The following SEPTIN10 variants were observed in gnomAD, a reference collection of about 807,000 sequenced individuals.
The protein encoded by SEPTIN10 is septin 10.
Under a neutral mutation model 54.8 loss-of-function variants are expected in SEPTIN10, and 66 were observed. The observed-to-expected ratio is 1.21, with a 90% confidence interval of 0.99 to 1.48. SEPTIN10 has a LOEUF of 1.48. Among genes scored for constraint, SEPTIN10 ranks in the 40% most tolerant of loss-of-function variants. The probability of loss-of-function intolerance (pLI) is 0.00; values close to 1 mark genes in which losing one functional copy is unlikely to be tolerated. For missense variants in SEPTIN10, 620 were observed against 545.6 expected (o/e 1.14, Z -1.36); for synonymous variants, 161 against 181.0 (o/e 0.89, Z 0.89).
chr2:109,595,992 C>T (rs967871407), intron 1 of SEPTIN10, among the ~76,000 whole-genome samples: 2 of 152,122 alleles, frequency 1.3e-5, no homozygotes, highest in African/African-American at 4.8e-5. Flanking sequence ...TTCACTGAGG[C>T]TATATTATTT....
chr2:109,586,741 C>G (rs1473289912), intron 2 of SEPTIN10, among the ~76,000 whole-genome samples: 1 of 151,898 alleles, frequency 6.6e-6, no homozygotes, highest in Non-Finnish European at 1.5e-5. Flanking sequence ...GTTAAAGAGT[C>G]TCCTGTAAAC....
intron 9 of SEPTIN10, among the ~76,000 whole-genome samples, chr2:109,551,333 A>G (rs1335769029): frequency 1.3e-5 from 2 of 152,268 alleles, no homozygotes; most frequent in Non-Finnish European, 2.9e-5. Flanking sequence ...GAATTAAATA[A>G]TGTTTTGAGT....
chr2:109,555,719 A>G (rs1684206876), intron 8 of SEPTIN10, among the ~76,000 whole-genome samples: 1 of 152,184 alleles, frequency 6.6e-6, no homozygotes, highest in South Asian at 2.1e-4. Context: ...CAGCTGACCA[A>G]TCGTTACCTC....
intron 5 of SEPTIN10, among the ~76,000 whole-genome samples, chr2:109,570,530 T>TG (rs1688108838): frequency 6.6e-6 from 1 of 151,462 alleles, no homozygotes; most frequent in Non-Finnish European, 1.5e-5. Context: ...GTATCAGGTT[T>TG]TTTTTTTTTT....
intron 4 of SEPTIN10, among the ~76,000 whole-genome samples, chr2:109,577,598 TAAAAAAAAAA>T (rs566368167): frequency 7.5e-6 from 1 of 133,272 alleles, no homozygotes. Flanking sequence ...CCTCAAAATT[TAAAAAAAAAA>T]AAAAGAAAAA....
chr2:109,546,007 A>G (rs1295595612), intron 10 of SEPTIN10, 43 bp downstream of exon 10: 1 of 1,524,772 alleles, frequency 6.6e-7, no homozygotes, highest in East Asian at 2.3e-5. Context: ...GCAATGTGAC[A>G]AGTGTGGGCA....
At position 109,585,310 on chromosome 2, in the gene SEPTIN10, T is replaced by C. The variant is rs370129746; in HGVS notation, c.229A>G (p.Ile77Val). 1 of 1,600,170 alleles carries C rather than the reference T, an allele frequency of 6.2e-7. No individual in the cohort carries two copies. The highest frequency in any genetic ancestry group is 8.5e-7 in the Non-Finnish European group (1 of 1,174,260). Residue 77 changes from isoleucine (I) to valine (V), a missense_variant, in exon 4 of 11, where the codon ATT becomes GTT. Coordinates refer to ENST00000397712, the MANE Select transcript of SEPTIN10 (RefSeq NM_144710.5). ...FNILCVGETG[I>V]GKSTLIDTLF... ...GTGTCAATCAGTGTTGATTTTCCAA[T>C]TCCAGTTTCCCCTGAAACACACAAA...
At chr2:109,550,311 CTTT>C (rs796411788) in intron 9 of SEPTIN10, among the ~76,000 whole-genome samples, 2 of 143,362 alleles carry the variant, frequency 1.4e-5, no homozygotes, top group Non-Finnish European at 3.1e-5. Flanking sequence ...AAAAAAGTAT[CTTT>C]TTTTTTTTTG....
At chr2:109,549,499 C>T (rs1348792867) in intron 9 of SEPTIN10, among the ~76,000 whole-genome samples, 1 of 152,200 alleles carries the variant, frequency 6.6e-6, no homozygotes, top group African/African-American at 2.4e-5. Context: ...ATTCCATACA[C>T]ATGAAGCATG....
At chr2:109,580,065 G>A (rs1187236353) in intron 4 of SEPTIN10, among the ~76,000 whole-genome samples, 1 of 151,980 alleles carries the variant, frequency 6.6e-6, no homozygotes, top group Non-Finnish European at 1.5e-5. Flanking sequence ...AGGTTGCAAT[G>A]AGCCTAGATC....
intron 10 of SEPTIN10, chr2:109,544,568 A>C: frequency 1.0e-6 from 1 of 981,502 alleles, no homozygotes; most frequent in Non-Finnish European, 1.2e-6. Flanking sequence ...CAGGGTGATA[A>C]TTTTTACAAG....
chr2:109,578,001 C>T (rs1690133361), intron 4 of SEPTIN10, among the ~76,000 whole-genome samples: 1 of 150,116 alleles, frequency 6.7e-6, no homozygotes, highest in African/African-American at 2.5e-5. Flanking sequence ...AATTTCATTT[C>T]ATTGTCTATT....
At position 109,565,689 on chromosome 2, in the gene SEPTIN10, C is replaced by T; in HGVS notation, c.859+74G>A. 3.9e-6 allele frequency: 5 copies of T among 1,269,872 alleles called. No individual in the cohort carries two copies. The South Asian group carries it at 6.0e-5, about 15-fold the overall frequency. 78.7% of individuals were successfully genotyped at this position (1,269,872 alleles called of 1,614,324 possible). A position where few individuals can be genotyped will look rare whatever the true frequency, so the allele number is the denominator to read the frequency against. On this transcript the variant is annotated intron_variant, in intron 7 of 10. Coordinates refer to ENST00000397712, the MANE Select transcript of SEPTIN10 (RefSeq NM_144710.5). ...ATCACATCCAAACTAAGCATCACCC[C>T]AAAGAAGGCATGACAGGTAGCTTTG...
intron 8 of SEPTIN10, among the ~76,000 whole-genome samples, chr2:109,556,518 G>C (rs1463613357): frequency 2.0e-5 from 3 of 152,112 alleles, no homozygotes; most frequent in African/African-American, 7.2e-5. Flanking sequence ...GTTCCAAGCA[G>C]GAACAGATCC....
At chr2:109,547,992 T>C (rs1287969924) in intron 9 of SEPTIN10, among the ~76,000 whole-genome samples, 3 of 152,156 alleles carry the variant, frequency 2.0e-5, no homozygotes, top group Non-Finnish European at 4.4e-5. Context: ...TTAGGAGCTA[T>C]GTCTTTTTCA....
intron 10 of SEPTIN10, chr2:109,545,288 A>T: frequency 7.0e-7 from 1 of 1,426,704 alleles, no homozygotes; most frequent in East Asian, 2.6e-5. Flanking sequence ...CTTAAGTGGG[A>T]GAAATAAAAC....
rs189073491 is a variant in SEPTIN10 at position 109,579,779 on chromosome 2, C to T, written c.414-5012G>A. Among the ~76,000 whole-genome samples, 616 of 152,090 alleles carry T rather than the reference C, an allele frequency of 4.1e-3. 2 individuals carry two copies. Among genetic ancestry groups the T allele is most frequent in the Non-Finnish European group, 7.1e-3 (480 of 68,012 alleles). ...TTCCAGAAAATAGAGAATGAAAACTCCTTAAACTCCTTTTAGAAGGCTAAC... is the reference window on the plus strand; with the variant it reads ...TTCCAGAAAATAGAGAATGAAAACTTCTTAAACTCCTTTTAGAAGGCTAAC... On this transcript the variant is annotated intron_variant, in intron 4 of 10. Transcript: ENST00000397712.
intron 9 of SEPTIN10, among the ~76,000 whole-genome samples, chr2:109,547,369 G>GT (rs35573327): frequency 0.32 from 38,172 of 117,800 alleles, 5,811 homozygotes; most frequent in Middle Eastern, 0.44. Flanking sequence ...TAATAAACTT[G>GT]TTTTTTTTTT....
At chr2:109,550,366 G>A (rs1358512300) in intron 9 of SEPTIN10, among the ~76,000 whole-genome samples, 1 of 151,194 alleles carries the variant, frequency 6.6e-6, no homozygotes, top group Non-Finnish European at 1.5e-5. Flanking sequence ...AGGCTGGAGT[G>A]CAGTGGCATA....
Sources: gnomAD v4.1 joint callset for allele counts (sites outside exome capture counted in the v4.1 genomes callset) on GRCh38, gnomAD v4.1.1 for gene constraint, MANE v1.5 for transcripts, NCBI Gene and HGNC (gene_info 2026-07-23, HGNC 2026-07-21) for gene names.